Variants in SUMF1 observed in about 807,000 individuals in gnomAD.
SUMF1 encodes formylglycine-generating enzyme.
A neutral mutation model predicts 47.6 loss-of-function variants in SUMF1; 48 were observed. The ratio of observed to expected loss-of-function variants is 1.01; its 90% CI spans 0.80 to 1.28. The LOEUF (loss-of-function observed/expected upper bound fraction) is 1.28. Among genes scored for constraint, SUMF1 ranks in the 50% most tolerant of loss-of-function variants. SUMF1 has a pLI of 0.00. For missense variants in SUMF1, 571 were observed against 485.4 expected (o/e 1.18, Z -1.66); for synonymous variants, 230 against 192.1 (o/e 1.20, Z -1.63).
intron 7 of SUMF1, among the ~76,000 whole-genome samples, chr3:4,381,555 C>G (rs952561977): frequency 6.6e-6 from 1 of 152,142 alleles, no homozygotes; most frequent in East Asian, 1.9e-4. Flanking sequence ...TGCTAAGCAC[C>G]CACTACAAAG....
intron 8 of SUMF1, among the ~76,000 whole-genome samples, chr3:4,140,639 C>A (rs1024014177): frequency 6.6e-6 from 1 of 151,786 alleles, no homozygotes; most frequent in Non-Finnish European, 1.5e-5. Context: ...TTGACTTTAC[C>A]TAATTTTTGT....
chr3:4,058,719 G>C (rs899296594), intron 9 of SUMF1, among the ~76,000 whole-genome samples: 11 of 152,144 alleles, frequency 7.2e-5, no homozygotes, highest in Non-Finnish European at 1.6e-4. Context: ...AAATAAAGTA[G>C]AACAGGCTTG....
At chr3:4,326,830 C>G (rs528113922) in intron 8 of SUMF1, among the ~76,000 whole-genome samples, 25 of 152,166 alleles carry the variant, frequency 1.6e-4, no homozygotes, top group African/African-American at 5.5e-4. Context: ...CTCCAAGGGG[C>G]TTTTATTGGC....
intron 9 of SUMF1, among the ~76,000 whole-genome samples, chr3:4,067,011 G>A (rs976786535): frequency 1.3e-5 from 2 of 152,006 alleles, no homozygotes; most frequent in Admixed American, 6.6e-5. Context: ...ATTCGTTAGG[G>A]GATAACCTCA....
chr3:4,100,211 C>A (rs1318019396), intron 8 of SUMF1, among the ~76,000 whole-genome samples: 1 of 151,686 alleles, frequency 6.6e-6, no homozygotes, highest in Non-Finnish European at 1.5e-5. Context: ...TATGGAACCA[C>A]AAAAGACACT....
chr3:4,174,553 AC>A (rs1694914135), intron 8 of SUMF1, among the ~76,000 whole-genome samples: 3 of 84,960 alleles, frequency 3.5e-5, no homozygotes, highest in Non-Finnish European at 5.6e-5. Flanking sequence ...AAAAACACAC[AC>A]ACATGGGGGG....
intron 8 of SUMF1, among the ~76,000 whole-genome samples, chr3:4,194,985 G>C (rs991551973): frequency 1.3e-5 from 2 of 152,108 alleles, no homozygotes; most frequent in African/African-American, 2.4e-5. Context: ...TTTAGGTTTT[G>C]AAGTCACTTA....
chr3:4,455,308 A>G (rs145458095), intron 1 of SUMF1, among the ~76,000 whole-genome samples: 3 of 152,344 alleles, frequency 2.0e-5, no homozygotes, highest in Non-Finnish European at 2.9e-5. Context: ...TACAAATTTG[A>G]TAACCTTGAA....
At chr3:4,106,310 T>C (rs904250736) in intron 8 of SUMF1, among the ~76,000 whole-genome samples, 2 of 152,074 alleles carry the variant, frequency 1.3e-5, no homozygotes, top group African/African-American at 4.8e-5. Flanking sequence ...AAGATATCCG[T>C]TTGTAGTGAT....
chr3:4,461,035 A>G (rs1017438675), intron 1 of SUMF1, among the ~76,000 whole-genome samples: 1 of 152,182 alleles, frequency 6.6e-6, no homozygotes, highest in African/African-American at 2.4e-5. Context: ...TTATTTCTAT[A>G]TCCCCACTGC....
chr3:4,326,142 T>C (rs1012094569), intron 8 of SUMF1, among the ~76,000 whole-genome samples: 1 of 152,218 alleles, frequency 6.6e-6, no homozygotes, highest in Non-Finnish European at 1.5e-5. Flanking sequence ...ACATAACTTT[T>C]TTCTCTCAAT....
At chr3:4,232,687 G>C (rs1696327640) in intron 8 of SUMF1, among the ~76,000 whole-genome samples, 1 of 151,972 alleles carries the variant, frequency 6.6e-6, no homozygotes, top group African/African-American at 2.4e-5. Context: ...ATTATTCAAG[G>C]CCATATGGTA....
At chr3:4,201,366 G>A (rs1695536794) in intron 8 of SUMF1, among the ~76,000 whole-genome samples, 1 of 151,848 alleles carries the variant, frequency 6.6e-6, no homozygotes, top group Non-Finnish European at 1.5e-5. Flanking sequence ...TTAATTTTTA[G>A]TTCTCATAAA....
chr3:4,109,684 A>G (rs1693246453), intron 8 of SUMF1, among the ~76,000 whole-genome samples: 1 of 151,930 alleles, frequency 6.6e-6, no homozygotes, highest in Non-Finnish European at 1.5e-5. Context: ...TTGATCTTCC[A>G]TCACTGATAC....
chr3:4,384,910 G>T (rs992030568), intron 7 of SUMF1, among the ~76,000 whole-genome samples: 3 of 151,214 alleles, frequency 2.0e-5, no homozygotes, highest in Non-Finnish European at 2.9e-5. Context: ...TTTTGAGAGG[G>T]TCTCTCGCTC....
intron 8 of SUMF1, among the ~76,000 whole-genome samples, chr3:4,161,772 A>T (rs988904982): frequency 6.6e-6 from 1 of 151,996 alleles, no homozygotes; most frequent in Admixed American, 6.5e-5. Context: ...GGACTCCCTC[A>T]AAGCCTATTT....
rs1284243922 is a variant in SUMF1, at chr3:4,436,860, AAAAATAC to A, written c.519+12399_519+12405del. ...CCAGAGCTGCATCACCTAAAAAAAA[AAAAATAC>A]AAAAAACAAAAAACAAAAAAAACCC... On this transcript the variant is annotated intron_variant, in intron 3 of 8. Transcript: ENST00000272902. 4.6e-4 allele frequency among the ~76,000 whole-genome samples: 45 copies of A among 97,870 alleles called. 1 individual carries two copies. The highest frequency in any genetic ancestry group is 5.0e-3 in the Middle Eastern group (1 of 200). The allele number at this position is 97,870 out of a possible 152,430, so 64.2% of individuals were successfully genotyped here.
chr3:4,338,617 G>A (rs895772363), intron 8 of SUMF1, among the ~76,000 whole-genome samples: 2 of 152,124 alleles, frequency 1.3e-5, no homozygotes, highest in African/African-American at 4.8e-5. Flanking sequence ...AAATCAGGAC[G>A]CAAAGCAATT....
chr3:4,265,038 G>A (rs1697161102), intron 8 of SUMF1, among the ~76,000 whole-genome samples: 1 of 150,072 alleles, frequency 6.7e-6, no homozygotes, highest in Non-Finnish European at 1.5e-5. Flanking sequence ...GAGGCTGAGT[G>A]AGACAGGAGA....
Sources: gnomAD v4.1 joint callset for allele counts (sites outside exome capture counted in the v4.1 genomes callset) on GRCh38, gnomAD v4.1.1 for gene constraint, MANE v1.5 for transcripts, NCBI Gene and HGNC (gene_info 2026-07-23, HGNC 2026-07-21) for gene names.